Variants in PUM1 observed in about 807,000 individuals in gnomAD.
The protein encoded by PUM1 is pumilio RNA binding family member 1, also known as pumilio homolog 1.
PUM1 carries 13 observed loss-of-function variants against 131.8 expected under a neutral mutation model. The ratio of observed to expected loss-of-function variants is 0.10; its 90% confidence interval spans 0.06 to 0.16. The LOEUF (loss-of-function observed/expected upper bound fraction) is 0.16. PUM1 is among the 10% of genes least tolerant of loss of function. The probability of loss-of-function intolerance (pLI) is 1.00; values close to 1 mark genes in which losing one functional copy is unlikely to be tolerated. For synonymous variants in PUM1, 509 were observed against 556.5 expected, an observed-to-expected ratio of 0.91 and a Z score of 1.20; for missense variants, 961 against 1,512.4, an observed-to-expected ratio of 0.64 and a Z score of 6.05.
chr1:30,933,873 G>T (rs2124371161), intron 21 of PUM1, among the ~76,000 whole-genome samples: 1 of 152,344 alleles, frequency 6.6e-6, no homozygotes, highest in East Asian at 1.9e-4. Context: ...GAAGAGAAAT[G>T]ATGAACATCA....
intron 2 of PUM1, among the ~76,000 whole-genome samples, chr1:31,033,484 C>G (rs981889917): frequency 3.3e-5 from 5 of 149,902 alleles, no homozygotes; most frequent in Non-Finnish European, 5.9e-5. Context: ...GCTCTGCTTC[C>G]CGGGTTCACG....
intron 2 of PUM1, among the ~76,000 whole-genome samples, chr1:31,045,245 T>C (rs1228403837): frequency 6.6e-6 from 1 of 152,034 alleles, no homozygotes; most frequent in Non-Finnish European, 1.5e-5. Context: ...GCGATTCTCC[T>C]GCCTCGGCCT....
chr1:31,007,941 T>G (rs1413456605), intron 3 of PUM1, among the ~76,000 whole-genome samples: 1 of 152,250 alleles, frequency 6.6e-6, no homozygotes, highest in Non-Finnish European at 1.5e-5. Flanking sequence ...ACTCTATCAT[T>G]CTTGGTTCTG....
At chr1:30,938,303 C>T (rs537312650) in intron 20 of PUM1, among the ~76,000 whole-genome samples, 33 of 152,152 alleles carry the variant, frequency 2.2e-4, no homozygotes, top group Admixed American at 3.9e-4. Context: ...CCTAGGCTGG[C>T]GTGCAGTGGC....
chr1:30,950,664 A>C (rs1639896205), intron 16 of PUM1, among the ~76,000 whole-genome samples: 1 of 152,252 alleles, frequency 6.6e-6, no homozygotes, highest in African/African-American at 2.4e-5. Flanking sequence ...GTTTGAGACC[A>C]GCCTCGCCAA....
intron 18 of PUM1, 62 bp downstream of exon 18, chr1:30,945,282 ACT>A (rs1308946398): frequency 1.9e-6 from 3 of 1,560,144 alleles, no homozygotes; most frequent in Middle Eastern, 1.7e-4. Context: ...CACAAATCCT[ACT>A]CTGTTTTCTG....
rs565709422 is a variant in PUM1, at chr1:30,936,023, C to T, written c.3435+620G>A. 3.4e-3 allele frequency among the ~76,000 whole-genome samples: 454 copies of T among 133,040 alleles called. 7 individuals carry two copies. Among genetic ancestry groups the T allele is most frequent in the African/African-American group, 0.012 (424 of 36,110 alleles). The allele number at this position is 133,040 out of a possible 152,430, so 87.3% of individuals were successfully genotyped here. A position where few individuals can be genotyped will look rare whatever the true frequency, so the allele number is the denominator to read the frequency against. ...GACTTCTCTTTCAGTTCCCCACTCA[C>T]AGCACCTAAGCATTCTCATTTCTGT... is the stretch of plus-strand genomic sequence containing the variant. On this transcript the variant is annotated intron_variant, in intron 21 of 21. Coordinates refer to ENST00000426105, the MANE Select transcript of PUM1 (RefSeq NM_001020658.2).
At chr1:30,986,496 C>T (rs75851967) in intron 7 of PUM1, among the ~76,000 whole-genome samples, 10,887 of 151,830 alleles carry the variant, frequency 0.072, 644 homozygotes, top group East Asian at 0.28. Flanking sequence ...CAATGATCAA[C>T]TAATGATTAC....
At chr1:30,954,130 T>C in intron 14 of PUM1, 149 bp from the exon 15 acceptor site, 2 of 842,498 alleles carry the variant, frequency 2.4e-6, no homozygotes, top group Non-Finnish European at 3.6e-6. Flanking sequence ...ATTAGCGTCA[T>C]GACTTTCGTG....
chr1:31,061,032 A>G (rs950100346), intron 1 of PUM1, among the ~76,000 whole-genome samples: 21 of 152,202 alleles, frequency 1.4e-4, no homozygotes, highest in Admixed American at 1.2e-3. Context: ...GTTGTCACTG[A>G]TTTTTAAAAG....
rs780317720 is a variant in PUM1, at chr1:30,950,117, G to A, written c.2856+10C>T. ...CAAACACCAAGAGAAAAGTTAAAGGGGAAACTTACAATTACCTGCTGGTCT... is the reference window on the plus strand; with the variant it reads ...CAAACACCAAGAGAAAAGTTAAAGGAGAAACTTACAATTACCTGCTGGTCT... On this transcript the variant is annotated intron_variant, in intron 17 of 21. Transcript: ENST00000426105. The A allele has an allele frequency of 1.6e-5, 26 of 1,610,192 alleles. No homozygotes were observed. Among genetic ancestry groups the A allele is most frequent in the Non-Finnish European group, 2.0e-5 (23 of 1,178,090 alleles).
Position 31,059,408 on chromosome 1 carries a change from A to C in PUM1, c.159T>G (p.Asn53Lys). ...GSQAQPQPAA[N>K]QALAAGTHSS... ...AGTGAGTCCCAGCTGCAAGAGCCTG[A>C]TTTGCAGCTGGTTGTGGCTGCGCTT... The change falls in exon 2 of 22, where the codon AAT (asparagine) becomes AAG (lysine). Residue 53 changes from asparagine to lysine, a missense_variant. By Grantham distance (94) the Asn-to-Lys change is moderately conservative. This residue lies in a region of PUM1 where 654 missense variants were observed against 923.9 expected (regional missense o/e 0.71). Transcript: ENST00000426105. 1 of 1,614,144 alleles carries C rather than the reference A, an allele frequency of 6.2e-7. No homozygotes were observed. The highest frequency in any genetic ancestry group is 8.5e-7 in the Non-Finnish European group (1 of 1,180,036).
intron 20 of PUM1, among the ~76,000 whole-genome samples, chr1:30,938,112 C>G (rs1379228924): frequency 6.6e-6 from 1 of 152,064 alleles, no homozygotes; most frequent in African/African-American, 2.4e-5. Flanking sequence ...GCTGTGTTGC[C>G]CAGGCTAGTC....
At chr1:30,979,951 G>A (rs947306451) in intron 9 of PUM1, 111 bp downstream of exon 9, 1 of 721,006 alleles carries the variant, frequency 1.4e-6, no homozygotes, top group East Asian at 2.9e-5. Flanking sequence ...TTGAAAATCT[G>A]GATAATCTCC....
At chr1:31,017,855 T>C (rs952283691) in intron 3 of PUM1, among the ~76,000 whole-genome samples, 1 of 152,288 alleles carries the variant, frequency 6.6e-6, no homozygotes, top group East Asian at 1.9e-4. Flanking sequence ...TTATAAAATT[T>C]ATCTTTAAAA....
chr1:30,983,942 A>G (rs896087688), intron 7 of PUM1, among the ~76,000 whole-genome samples: 1 of 152,144 alleles, frequency 6.6e-6, no homozygotes, highest in Non-Finnish European at 1.5e-5. Flanking sequence ...CATTTTATGT[A>G]TGTGTACTGT....
At chr1:30,956,005 G>A (rs9661612) in intron 14 of PUM1, among the ~76,000 whole-genome samples, 104,958 of 152,090 alleles carry the variant, frequency 0.69, 37,631 homozygotes, top group East Asian at 0.87. Flanking sequence ...GCCCAGAGAG[G>A]TGAAATGTTC....
chr1:30,954,086 T>C (rs1339526867), intron 14 of PUM1, 105 bp from the exon 15 acceptor site: 1 of 1,203,190 alleles, frequency 8.3e-7, no homozygotes, highest in Non-Finnish European at 1.2e-6. Context: ...TTCTGATTTC[T>C]TCAATGCTGT....
At chr1:30,973,631 T>A (rs1641019035) in intron 10 of PUM1, among the ~76,000 whole-genome samples, 1 of 152,200 alleles carries the variant, frequency 6.6e-6, no homozygotes, top group Non-Finnish European at 1.5e-5. Context: ...AAGTATGAAA[T>A]CAGAATGTAA....
Sources: allele counts gnomAD v4.1 joint callset (sites outside exome capture counted in the v4.1 genomes callset), GRCh38; gene constraint gnomAD v4.1.1; regional missense constraint gnomAD v4.1.1; transcripts MANE v1.5; gene names NCBI Gene and HGNC (gene_info 2026-07-23, HGNC 2026-07-21).